Variants in MMD2 observed in about 807,000 individuals in gnomAD.
The protein encoded by MMD2 is monocyte to macrophage differentiation factor 2.
MMD2 carries 30 observed loss-of-function variants against 33.5 expected under a neutral mutation model. The ratio of observed to expected loss-of-function variants is 0.90; its 90% CI spans 0.67 to 1.22. The LOEUF (loss-of-function observed/expected upper bound fraction) is 1.22. Among genes scored for constraint, MMD2 ranks in the 50% most tolerant of loss-of-function variants. MMD2 has a pLI of 0.00. For missense variants in MMD2, 364 were observed against 325.4 expected, an observed-to-expected ratio of 1.12 and a Z score of -0.91; for synonymous variants, 129 against 123.0, an observed-to-expected ratio of 1.05 and a Z score of -0.32.
At chr7:4,958,175 T>C (rs1786439213) in intron 1 of MMD2, among the ~76,000 whole-genome samples, 1 of 152,170 alleles carries the variant, frequency 6.6e-6, no homozygotes, top group South Asian at 2.1e-4. Flanking sequence ...CAGACGGGTC[T>C]GTGCTCGCCG....
At chr7:4,922,098 C>T (rs772208602) in intron 2 of MMD2, among the ~76,000 whole-genome samples, 28 of 151,918 alleles carry the variant, frequency 1.8e-4, no homozygotes, top group Non-Finnish European at 4.0e-4. Context: ...TGGTGGCATG[C>T]GTCTGTAATT....
intron 1 of MMD2, among the ~76,000 whole-genome samples, chr7:4,929,991 C>T (rs895086371): frequency 2.0e-5 from 3 of 151,920 alleles, no homozygotes; most frequent in African/African-American, 7.3e-5. Flanking sequence ...AGGCCAGGGC[C>T]GGGTATGGTG....
chr7:4,954,646 C>T (rs537631393), intron 1 of MMD2, among the ~76,000 whole-genome samples: 26 of 152,036 alleles, frequency 1.7e-4, no homozygotes, highest in Admixed American at 4.6e-4. Flanking sequence ...CTTGAACTCC[C>T]GGACTCAGGT....
At chr7:4,920,543 T>C (rs1235636677) in intron 2 of MMD2, among the ~76,000 whole-genome samples, 1 of 149,054 alleles carries the variant, frequency 6.7e-6, no homozygotes, top group East Asian at 2.1e-4. Context: ...CCTCTCTCCT[T>C]TCCCTTTCCT....
At chr7:4,955,425 A>G (rs1056643656) in intron 1 of MMD2, among the ~76,000 whole-genome samples, 2 of 152,174 alleles carry the variant, frequency 1.3e-5, no homozygotes, top group African/African-American at 4.8e-5. Context: ...TGTCACACAG[A>G]ATTTAATTTG....
chr7:4,958,071 C>T lies in MMD2; in HGVS notation c.47+900G>A, dbSNP rs367742120. 6.6e-5 allele frequency among the ~76,000 whole-genome samples: 10 copies of T among 152,300 alleles called. No individual in the cohort carries two copies. In the East Asian group the frequency reaches 1.4e-3, roughly 21 times the overall value. On this transcript the variant is annotated intron_variant, in intron 1 of 6. Coordinates refer to ENST00000401401, the MANE Select transcript of MMD2 (RefSeq NM_198403.4). ...AGCACACACCAGGCCCCTCTGTTCA[C>T]GAAGGCAGGGGACCCCAGGTGGCAG... is the stretch of plus-strand genomic sequence containing the variant.
chr7:4,911,267 G>A (rs1367326385), intron 4 of MMD2, 21 bp from the exon 5 acceptor site: 1 of 1,559,252 alleles, frequency 6.4e-7, no homozygotes, highest in Non-Finnish European at 8.7e-7. Context: ...AAGAGCCAAG[G>A]CCATGGCCCT....
chr7:4,898,912 A>T, the MMD2 span, among the ~76,000 whole-genome samples: 3 of 151,984 alleles, frequency 2.0e-5, no homozygotes, highest in Admixed American at 6.6e-5. Flanking sequence ...AAAAAGAAAG[A>T]AAGAGAGACA....
At chr7:4,911,346 C>CT (rs1785003065) in intron 4 of MMD2, 100 bp from the exon 5 acceptor site, 1 of 892,740 alleles carries the variant, frequency 1.1e-6, no homozygotes, top group African/African-American at 1.7e-5. Flanking sequence ...CCAGGGAAGT[C>CT]CTGTCACCTG....
chr7:4,927,544 A>AAT lies in MMD2; in HGVS notation c.48-2014_48-2013dup, dbSNP rs1334303805. 4.8e-4 allele frequency among the ~76,000 whole-genome samples: 73 copies of AAT among 151,210 alleles called. No homozygotes were observed. In the South Asian group the frequency reaches 0.01, roughly 22 times the overall value. Reference sequence around the variant, plus strand: ...CGACAGAGTGAGACTCCATTTCAAAAATATATATATATATTAGCCAGGCGT... The same window carrying AAT: ...CGACAGAGTGAGACTCCATTTCAAAAATATATATATATATATTAGCCAGGCGT... On this transcript the variant is annotated intron_variant, in intron 1 of 6. Coordinates refer to ENST00000401401, the MANE Select transcript of MMD2 (RefSeq NM_198403.4).
downstream of MMD2, among the ~76,000 whole-genome samples, chr7:4,905,147 A>G (rs1340300569): frequency 6.6e-6 from 1 of 152,102 alleles, no homozygotes; most frequent in Non-Finnish European, 1.5e-5. This position sits in a 1 kb window ranked among gnomAD's most constrained non-coding sequence, Gnocchi z 5.0. Flanking sequence ...CAGGTGTCAG[A>G]CTGAGGAGTC....
intron 1 of MMD2, 143 bp downstream of exon 1, chr7:4,958,828 G>GT (rs1281928771): frequency 8.5e-6 from 6 of 706,778 alleles, no homozygotes; most frequent in Non-Finnish European, 1.2e-5. Flanking sequence ...CTGGGTCCTG[G>GT]TTTTCTCGGG....
intron 4 of MMD2, among the ~76,000 whole-genome samples, chr7:4,911,622 A>T (rs1336833375): frequency 6.6e-6 from 1 of 150,994 alleles, no homozygotes; most frequent in African/African-American, 2.4e-5. Flanking sequence ...ATTTTATTTC[A>T]TTTATTTTAT....
intron 4 of MMD2, among the ~76,000 whole-genome samples, chr7:4,912,540 C>T (rs200401094): frequency 1.4e-5 from 2 of 145,162 alleles, no homozygotes; most frequent in East Asian, 4.1e-4. Flanking sequence ...CCAGCCTGGG[C>T]AACAGAGCAA....
intron 1 of MMD2, among the ~76,000 whole-genome samples, chr7:4,947,990 G>A (rs141614957): frequency 1.5e-3 from 229 of 151,948 alleles, no homozygotes; most frequent in African/African-American, 5.3e-3. Flanking sequence ...GAGCCACCGC[G>A]CCCGGCCACT....
downstream of MMD2, among the ~76,000 whole-genome samples, chr7:4,905,008 G>C (rs1055335718): frequency 6.6e-6 from 1 of 152,172 alleles, no homozygotes; most frequent in Admixed American, 6.5e-5. The surrounding 1 kb of genome is among the most constrained non-coding windows in gnomAD (Gnocchi z 5.0). Flanking sequence ...GGAGTAAGTT[G>C]CATGGACAAG....
downstream of MMD2, among the ~76,000 whole-genome samples, chr7:4,904,057 C>T (rs1227251161): frequency 2.0e-5 from 3 of 152,154 alleles, no homozygotes; most frequent in Non-Finnish European, 4.4e-5. Context: ...CTCAGCCTCC[C>T]GAGTAGCTGA....
At chr7:4,928,008 G>A (rs1785478089) in intron 1 of MMD2, among the ~76,000 whole-genome samples, 1 of 152,186 alleles carries the variant, frequency 6.6e-6, no homozygotes, top group South Asian at 2.1e-4. Flanking sequence ...GGGCAGGGAA[G>A]AGGCATCCAA....
intron 1 of MMD2, among the ~76,000 whole-genome samples, chr7:4,941,298 A>G (rs1442837562): frequency 6.6e-6 from 1 of 152,174 alleles, no homozygotes; most frequent in Non-Finnish European, 1.5e-5. Context: ...AGGCAGCCTT[A>G]CTTTGAGAGT....
Sources: gnomAD v4.1 joint callset for allele counts (sites outside exome capture counted in the v4.1 genomes callset) on GRCh38, gnomAD v4.1.1 for gene constraint, Gnocchi (gnomAD v3.1) non-coding constraint, MANE v1.5 for transcripts, NCBI Gene and HGNC (gene_info 2026-07-23, HGNC 2026-07-21) for gene names.